The following DSPP variants were observed in gnomAD, a reference collection of about 807,000 sequenced individuals.
DSPP encodes the protein deafness, autosomal dominant 39.
A neutral mutation model predicts 29.1 loss-of-function variants in DSPP; 28 were observed. That is an observed-to-expected ratio of 0.96 (90% confidence interval 0.71 to 1.32). DSPP has a LOEUF of 1.32. Among genes scored for constraint, DSPP ranks in the 40% most tolerant of loss-of-function variants. The probability of loss-of-function intolerance (pLI) is 0.00; values close to 1 mark genes in which losing one functional copy is unlikely to be tolerated. For synonymous variants in DSPP, 481 were observed against 503.4 expected (o/e 0.96, Z 0.60); for missense variants, 1,281 against 1,629.9 (o/e 0.79, Z 3.69).
At chr4:87,609,328 CT>C (rs1444761472) in intron 1 of DSPP, among the ~76,000 whole-genome samples, 1 of 152,228 alleles carries the variant, frequency 6.6e-6, no homozygotes, top group Non-Finnish European at 1.5e-5. Flanking sequence ...CTGGCCTTGG[CT>C]GCAGGTACCT....
chr4:87,615,652 G>A lies in DSPP; in HGVS notation c.2990G>A (p.Ser997Asn), dbSNP rs1382542789. The change falls in exon 5 of 5, where the codon AGC (serine) becomes AAC (asparagine). Residue 997 changes from serine to asparagine, a missense_variant. By Grantham distance (46) the Ser-to-Asn change is conservative. This residue lies in a region of DSPP where 444 missense variants were observed against 611.4 expected (regional missense o/e 0.73). Coordinates refer to ENST00000651931, the MANE Select transcript of DSPP (RefSeq NM_014208.3). Reference protein sequence around the residue: ...DSSDSSDSSDSSDSSNSSDSS... With the variant: ...DSSDSSDSSDNSDSSNSSDSS... ...AGTGATAGCAGTGACAGCAGTGACA[G>A]CAGTGATAGCAGCAACAGCAGTGAT... 9 of 1,540,540 alleles carry A rather than the reference G, an allele frequency of 5.8e-6. No individual in the cohort carries two copies. The highest frequency in any genetic ancestry group is 7.0e-6 in the Non-Finnish European group (8 of 1,141,460).
chr4:87,613,402 C>G, intron 4 of DSPP, 94 bp downstream of exon 4: 1 of 1,454,132 alleles, frequency 6.9e-7, no homozygotes. Flanking sequence ...GACAAGCATC[C>G]ATGTATTTTT....
At position 87,613,801 on chromosome 4, in the gene DSPP, G is replaced by A; in HGVS notation, c.1139G>A (p.Gly380Asp). The change falls in exon 5 of 5, where the codon GGT becomes GAT. Residue 380 changes from glycine (G) to aspartate (D), a missense_variant. Transcript: ENST00000651931. ...CTTCCATAGGGAATAGAAATCAAGG[G>A]TCCCAGCAGTGGCAACAGAAATATT... ...KSQDKGIEIK[G>D]PSSGNRNITK... is the part of the protein sequence containing the mutation. 6.2e-7 allele frequency: 1 copy of A among 1,614,126 alleles called. No homozygotes were observed. Among genetic ancestry groups the A allele is most frequent in the Non-Finnish European group, 8.5e-7 (1 of 1,180,032 alleles).
chr4:87,611,643 G>A (rs533251708), intron 2 of DSPP, among the ~76,000 whole-genome samples: 1 of 152,252 alleles, frequency 6.6e-6, no homozygotes, highest in South Asian at 2.1e-4. Flanking sequence ...CTCTTGCAGA[G>A]CACAGAAGTA....
chr4:87,613,746 AT>A (rs777181288), intron 4 of DSPP, 38 bp from the exon 5 acceptor site: 2 of 1,613,908 alleles, frequency 1.2e-6, no homozygotes, highest in Non-Finnish European at 1.7e-6. Flanking sequence ...TGCAGCAAAT[AT>A]TCACTAGTTA....
chr4:87,614,022 G>A lies in DSPP; in HGVS notation c.1360G>A (p.Asp454Asn). ...DSNSDGYDSY[D>N]FDDKSMQGDD... ...CAATAGTGATGGATATGACAGTTAT[G>A]ATTTTGATGATAAGTCCATGCAAGG... is the stretch of plus-strand genomic sequence containing the variant. The change falls in exon 5 of 5, where the codon GAT becomes AAT. Residue 454 changes from aspartate (D) to asparagine (N), a missense_variant. Transcript: ENST00000651931. 1 of 1,614,222 alleles carries A rather than the reference G, an allele frequency of 6.2e-7. No homozygotes were observed. The highest frequency in any genetic ancestry group is 2.2e-5 in the East Asian group (1 of 44,880).
rs923545944 is a variant in DSPP at position 87,612,177 on chromosome 4, G to T, written c.124G>T (p.Val42Leu). ...MNLHLLARSN[V>L]SVQDELNASG... is the part of the protein sequence containing the mutation. ...TTTGCATCTCCTAGCAAGATCAAAT[G>T]TGTCAGTACAGGTATAGGATGTAAT... Residue 42 changes from valine (V) to leucine (L), a missense_variant, in exon 3 of 5, where the codon GTG (valine) becomes TTG (leucine). This residue lies in a region of DSPP where 631 missense variants were observed against 643.2 expected (regional missense o/e 0.98). Coordinates refer to ENST00000651931, the MANE Select transcript of DSPP (RefSeq NM_014208.3). 1 of 1,613,950 alleles carries T rather than the reference G, an allele frequency of 6.2e-7. No homozygotes were observed. The highest frequency in any genetic ancestry group is 1.1e-5 in the South Asian group (1 of 91,082).
In DSPP at chr4:87,614,886, G is replaced by C. The variant is rs576025420; in HGVS notation, c.2224G>C (p.Asp742His). The change falls in exon 5 of 5, where the codon GAC becomes CAC. Residue 742 changes from aspartate (D) to histidine (H), a missense_variant. This residue lies in a region of DSPP where 444 missense variants were observed against 611.4 expected (regional missense o/e 0.73). Transcript: ENST00000651931. ...TAGCAGTGACAGCAGCAACAGCAGT[G>C]ACAGCAGTGATAGCAGTGACAGCAG... ...SDSSDSSNSS[D>H]SSDSSDSSNS... is the part of the protein sequence containing the mutation. 962 of 1,547,166 alleles carry C rather than the reference G, an allele frequency of 6.2e-4. 12 individuals carry two copies. In the Admixed American group the frequency reaches 0.016, roughly 26 times the overall value.
In DSPP at chr4:87,614,792, T is replaced by G. The variant is rs1263585747; in HGVS notation, c.2130T>G (p.Ser710Arg). Residue 710 changes from serine (S) to arginine (R), a missense_variant, in exon 5 of 5, where the codon AGT becomes AGG. Transcript: ENST00000651931. Reference protein sequence around the residue: ...ESSDSSDSSDSDSSDSSDSSN... With the variant: ...ESSDSSDSSDRDSSDSSDSSN... ...GTGATAGTAGTGACAGCAGTGATAG[T>G]GACAGCAGTGATAGTAGTGACAGCA... The G allele has an allele frequency of 4.5e-6, 7 of 1,545,632 alleles. No individual in the cohort carries two copies. In the Admixed American group the frequency reaches 1.4e-4, roughly 31 times the overall value.
intron 1 of DSPP, among the ~76,000 whole-genome samples, chr4:87,608,852 C>G (rs920939153): frequency 5.9e-5 from 9 of 152,090 alleles, no homozygotes; most frequent in African/African-American, 9.7e-5. Context: ...AAAAATTGGC[C>G]AACTGAGGTG....
chr4:87,613,729 G>A lies in DSPP; in HGVS notation c.1123-56G>A, dbSNP rs1727786885. 1.9e-6 allele frequency: 3 copies of A among 1,612,710 alleles called. No individual in the cohort carries two copies. The South Asian group carries it at 3.3e-5, about 18-fold the overall frequency. Reference sequence around the variant, plus strand: ...CCCAGTTATTCTTCCTCAGATCAATGCAATTTTGCAGCAAATATTCACTAG... The same window carrying A: ...CCCAGTTATTCTTCCTCAGATCAATACAATTTTGCAGCAAATATTCACTAG... On this transcript the variant is annotated intron_variant, in intron 4 of 4. Transcript: ENST00000651931.
chr4:87,610,033 T>C (rs1037536108), intron 1 of DSPP, among the ~76,000 whole-genome samples: 4 of 152,194 alleles, frequency 2.6e-5, no homozygotes, highest in African/African-American at 9.7e-5. Flanking sequence ...TAAATATTTA[T>C]CAACAACATT....
chr4:87,614,138 T>C lies in DSPP; in HGVS notation c.1476T>C (p.Ser492=), dbSNP rs1369035516. The change falls in exon 5 of 5, where the codon TCT becomes TCC. Residue 492 remains serine (S), a synonymous_variant. Coordinates refer to ENST00000651931, the MANE Select transcript of DSPP (RefSeq NM_014208.3). ...DNNSSSRGDA[S]YNSDESKDNG... The stretch of plus-strand genomic sequence containing the variant: ...ACAGCAGTAGCCGAGGAGATGCTTC[T>C]TATAACTCTGATGAATCAAAAGATA... The C allele has an allele frequency of 1.9e-6, 3 of 1,614,240 alleles. No homozygotes were observed. Among genetic ancestry groups the C allele is most frequent in the Admixed American group, 3.3e-5 (2 of 60,030 alleles).
In DSPP at chr4:87,613,017, C is replaced by G. The variant is rs1560477874; in HGVS notation, c.831C>G (p.Ser277Arg). The G allele has an allele frequency of 5.6e-6, 9 of 1,614,076 alleles. No individual in the cohort carries two copies. The highest frequency in any genetic ancestry group is 5.5e-5 in the South Asian group (5 of 91,078). The change falls in exon 4 of 5, where the codon AGC (serine) becomes AGG (arginine). Residue 277 changes from serine (S) to arginine (R), a missense_variant. By Grantham distance (110) the Ser-to-Arg change is moderately radical. This residue lies in a region of DSPP where 631 missense variants were observed against 643.2 expected (regional missense o/e 0.98). Transcript: ENST00000651931. The part of the protein sequence containing the change: ...AGNGKDSSNN[S>R]KGQEGQDHGK... ...ATGGAAAAGACAGTAGTAATAACAG[C>G]AAGGGCCAGGAGGGCCAGGACCATG...
At position 87,616,550 on chromosome 4, in the gene DSPP, C is replaced by T. The variant is rs1560481404; in HGVS notation, c.3888C>T (p.His1296=). ...ACAGTGAAGGCAGTGACAGTAACCA[C>T]TCAACCAGTGATGATTAGAACAAAA... ...DSDSEGSDSN[H]STSDD is the part of the protein sequence containing the mutation. Residue 1296 remains histidine, a synonymous_variant, in exon 5 of 5, where the codon CAC becomes CAT. Coordinates refer to ENST00000651931, the MANE Select transcript of DSPP (RefSeq NM_014208.3). 1 of 1,551,738 alleles carries T rather than the reference C, an allele frequency of 6.4e-7. No homozygotes were observed.
rs1727842735 is a variant in DSPP at position 87,615,067 on chromosome 4, ATAGCAGCAACAG to A, written c.2406_2417del (p.Ser804_Ser807del). 1 of 1,550,882 alleles carries A rather than the reference ATAGCAGCAACAG, an allele frequency of 6.4e-7. No individual in the cohort carries two copies. Among genetic ancestry groups the A allele is most frequent in the Non-Finnish European group, 8.7e-7 (1 of 1,146,664 alleles). The stretch of plus-strand genomic sequence containing the variant: ...AGCAGTGATAGCAGCAACAGCAGTG[ATAGCAGCAACAG>A]CAGTGATAGCAGTGATAGCAGTGAC... On this transcript the variant is annotated inframe_deletion, in exon 5 of 5. Coordinates refer to ENST00000651931, the MANE Select transcript of DSPP (RefSeq NM_014208.3).
chr4:87,616,454 C>A lies in DSPP; in HGVS notation c.3792C>A (p.Asp1264Glu), dbSNP rs1460847119. 6.4e-7 allele frequency: 1 copy of A among 1,551,756 alleles called. No individual in the cohort carries two copies. Among genetic ancestry groups the A allele is most frequent in the Non-Finnish European group, 8.7e-7 (1 of 1,147,008 alleles). ...DSSDSSDSTS[D>E]SNDESDSQSK... is the part of the protein sequence containing the mutation. ...GTGATAGCAGTGACAGCACATCTGACAGCAATGATGAGAGTGACAGCCAGA... is the reference window on the plus strand; with the variant it reads ...GTGATAGCAGTGACAGCACATCTGAAAGCAATGATGAGAGTGACAGCCAGA... Residue 1264 changes from aspartate (D) to glutamate (E), a missense_variant, in exon 5 of 5, where the codon GAC (aspartate) becomes GAA (glutamate). By Grantham distance (45) the Asp-to-Glu change is conservative. Around this residue, in one of 4 missense-constraint regions of DSPP, gnomAD observed 134 missense variants for 185.0 expected, o/e 0.72. Coordinates refer to ENST00000651931, the MANE Select transcript of DSPP (RefSeq NM_014208.3).
At position 87,612,601 on chromosome 4, in the gene DSPP, C is replaced by T. The variant is rs765565376; in HGVS notation, c.415C>T (p.Gln139Ter). The change falls in exon 4 of 5, where the codon CAA (glutamine) becomes TAA (stop). Residue 139 changes from glutamine (Q) to a stop codon, truncating the protein, a stop_gained. Coordinates refer to ENST00000651931, the MANE Select transcript of DSPP (RefSeq NM_014208.3). LOFTEE classifies it high-confidence loss of function. Reference sequence around the variant, plus strand: ...CATCACAGCAAATGGCATCCAGGGACAAGTAAGCATCATTGACAATGCTGG... The same window carrying T: ...CATCACAGCAAATGGCATCCAGGGATAAGTAAGCATCATTGACAATGCTGG... ...ENITANGIQGQVSIIDNAGAT... is the reference protein window; with the variant it reads ...ENITANGIQG 6.2e-7 allele frequency: 1 copy of T among 1,613,970 alleles called. No individual in the cohort carries two copies. Among genetic ancestry groups the T allele is most frequent in the Middle Eastern group, 1.6e-4 (1 of 6,062 alleles).
In DSPP at chr4:87,615,838, ACAGCAG is replaced by A. The variant is rs1727895701; in HGVS notation, c.3177_3182del (p.Ser1060_Ser1061del). The A allele has an allele frequency of 6.5e-7, 1 of 1,549,108 alleles. No homozygotes were observed. Among genetic ancestry groups the A allele is most frequent in the African/African-American group, 1.4e-5 (1 of 72,600 alleles). On this transcript the variant is annotated inframe_deletion, in exon 5 of 5. Coordinates refer to ENST00000651931, the MANE Select transcript of DSPP (RefSeq NM_014208.3). ...AGCAGTGACAGCAGCAATAGCAGTGACAGCAGTGACAGCAGCGACAGCAGTGATAGC... is the reference window on the plus strand; with the variant it reads ...AGCAGTGACAGCAGCAATAGCAGTGATGACAGCAGCGACAGCAGTGATAGC...
Sources: allele counts gnomAD v4.1 joint callset (sites outside exome capture counted in the v4.1 genomes callset), GRCh38; gene constraint gnomAD v4.1.1; regional missense constraint gnomAD v4.1.1; transcripts MANE v1.5; gene names NCBI Gene and HGNC (gene_info 2026-07-23, HGNC 2026-07-21).